FAM78B: variants seen among roughly 807,000 people sequenced by gnomAD.
FAM78B encodes family with sequence similarity 78 member B.
Under a neutral mutation model 20.0 loss-of-function variants are expected in FAM78B, and 10 were observed. The observed-to-expected ratio is 0.50, with a 90% CI of 0.31 to 0.85. FAM78B has a LOEUF of 0.85. FAM78B is among the 40% of genes least tolerant of loss of function. The pLI, the probability that FAM78B is intolerant of heterozygous loss-of-function variation, is 0.05. For missense variants in FAM78B, 283 were observed against 345.0 expected, an observed-to-expected ratio of 0.82 and a Z score of 1.42; for synonymous variants, 135 against 132.8, an observed-to-expected ratio of 1.02 and a Z score of -0.12.
chr1:166,115,074 C>T (rs767488893), intron 1 of FAM78B, among the ~76,000 whole-genome samples: 14 of 152,156 alleles, frequency 9.2e-5, no homozygotes, highest in Non-Finnish European at 1.8e-4. Flanking sequence ...CCTTTGGCTG[C>T]CTGAACATGA....
intron 2 of FAM78B, among the ~76,000 whole-genome samples, chr1:166,060,978 C>A (rs1419027391): frequency 6.6e-6 from 1 of 152,138 alleles, no homozygotes; most frequent in East Asian, 1.9e-4. Flanking sequence ...GAAGTTGAGA[C>A]CCCCAATGGC....
At chr1:166,133,419 C>A (rs1200943919) in intron 1 of FAM78B, among the ~76,000 whole-genome samples, 3 of 152,176 alleles carry the variant, frequency 2.0e-5, no homozygotes, top group Admixed American at 2.0e-4. Context: ...TTAGACAAAA[C>A]CAAACCTGCA....
intron 1 of FAM78B, among the ~76,000 whole-genome samples, chr1:166,159,243 T>C (rs1656039578): frequency 6.6e-6 from 1 of 152,120 alleles, no homozygotes; most frequent in Non-Finnish European, 1.5e-5. Context: ...ACTGTGGCAG[T>C]ATATAGAAAG....
At chr1:166,122,699 G>C (rs1484137786) in intron 1 of FAM78B, among the ~76,000 whole-genome samples, 1 of 152,102 alleles carries the variant, frequency 6.6e-6, no homozygotes, top group Non-Finnish European at 1.5e-5. Flanking sequence ...CTGAACCTTG[G>C]CTTCTTAGCT....
At chr1:166,104,810 T>C (rs1317822013) in intron 1 of FAM78B, among the ~76,000 whole-genome samples, 1 of 152,140 alleles carries the variant, frequency 6.6e-6, no homozygotes, top group Admixed American at 6.5e-5. Flanking sequence ...ATGCCATCCC[T>C]ATCAAGCTAC....
At chr1:166,063,163 G>A (rs1651669695) in intron 2 of FAM78B, among the ~76,000 whole-genome samples, 2 of 152,186 alleles carry the variant, frequency 1.3e-5, no homozygotes, top group Admixed American at 6.5e-5. Context: ...TGAGCCCAAG[G>A]GGGAAAATGC....
At chr1:166,104,047 A>T (rs1653658359) in intron 1 of FAM78B, among the ~76,000 whole-genome samples, 1 of 152,230 alleles carries the variant, frequency 6.6e-6, no homozygotes, top group African/African-American at 2.4e-5. Context: ...GGCTGGTTCA[A>T]CATACGCAAA....
chr1:166,073,390 G>A (rs959772911), intron 1 of FAM78B, among the ~76,000 whole-genome samples: 9 of 152,144 alleles, frequency 5.9e-5, no homozygotes, highest in African/African-American at 1.7e-4. Flanking sequence ...AATTCATTAC[G>A]ATTTAAGTCT....
chr1:166,152,368 G>C (rs1655708363), intron 1 of FAM78B, among the ~76,000 whole-genome samples: 1 of 152,184 alleles, frequency 6.6e-6, no homozygotes. Flanking sequence ...GAATTTGTCT[G>C]GTCTTGTCGT....
intron 2 of FAM78B, among the ~76,000 whole-genome samples, chr1:166,062,027 A>T (rs1164407370): frequency 6.6e-6 from 1 of 152,204 alleles, no homozygotes; most frequent in Non-Finnish European, 1.5e-5. Flanking sequence ...TCTCTGGGTG[A>T]GGAAAATTTT....
At chr1:166,074,584 A>G (rs1288855877) in intron 1 of FAM78B, among the ~76,000 whole-genome samples, 3 of 152,314 alleles carry the variant, frequency 2.0e-5, no homozygotes, top group South Asian at 4.1e-4. Context: ...TTTCATGACT[A>G]TATTCCTGGA....
At chr1:166,104,529 C>T in intron 1 of FAM78B, among the ~76,000 whole-genome samples, 1 of 152,060 alleles carries the variant, frequency 6.6e-6, no homozygotes, top group Non-Finnish European at 1.5e-5. Context: ...AATCAATGTG[C>T]AAAAATCACA....
At chr1:166,061,514 C>T (rs7541117) in intron 2 of FAM78B, among the ~76,000 whole-genome samples, 6,627 of 152,112 alleles carry the variant, frequency 0.044, 457 homozygotes, top group African/African-American at 0.15. Context: ...AATTCTTAGG[C>T]AGATGGTAAA....
rs186631057 is a variant in FAM78B at position 166,095,044 on chromosome 1, C to T, written c.264-24281G>A. ...GAGCTGACAGGTCTGATGCTCAGGACACTTCTGCCTTCATCATTAGACCTG... is the reference window on the plus strand; with the variant it reads ...GAGCTGACAGGTCTGATGCTCAGGATACTTCTGCCTTCATCATTAGACCTG... On this transcript the variant is annotated intron_variant, in intron 1 of 1. Coordinates refer to ENST00000354422, the MANE Select transcript of FAM78B (RefSeq NM_001017961.5). Among the ~76,000 whole-genome samples the T allele has an allele frequency of 2.1e-4, 32 of 152,300 alleles. 1 individual carries two copies. The East Asian group carries it at 5.2e-3, about 25-fold the overall frequency.
chr1:166,111,978 G>A (rs768289071), intron 1 of FAM78B, among the ~76,000 whole-genome samples: 1 of 152,230 alleles, frequency 6.6e-6, no homozygotes, highest in East Asian at 1.9e-4. Context: ...CCAGGCTCTC[G>A]AAGTCACGTT....
At position 166,122,602 on chromosome 1, in the gene FAM78B, C is replaced by T. The variant is rs1255212110; in HGVS notation, c.263+43384G>A. 3.9e-5 allele frequency among the ~76,000 whole-genome samples: 6 copies of T among 152,260 alleles called. No homozygotes were observed. The South Asian group carries it at 1.0e-3, about 26-fold the overall frequency. On this transcript the variant is annotated intron_variant, in intron 1 of 1. Transcript: ENST00000354422. ...GAAATCTTTCCAAATGTGGAAAGGG[C>T]ATTGTGTGAATCACCCTGAATCTGG...
chr1:166,146,876 C>T (rs1655477165), intron 1 of FAM78B, among the ~76,000 whole-genome samples: 1 of 152,140 alleles, frequency 6.6e-6, no homozygotes, highest in South Asian at 2.1e-4. Context: ...TCATTCACTT[C>T]CCTCTGTATT....
At chr1:166,101,730 T>C (rs1653526884) in intron 1 of FAM78B, among the ~76,000 whole-genome samples, 1 of 152,110 alleles carries the variant, frequency 6.6e-6, no homozygotes, top group South Asian at 2.1e-4. Context: ...AATCTACGTC[T>C]GATTGGTGTA....
chr1:166,089,213 A>G (rs1023344701), intron 1 of FAM78B, among the ~76,000 whole-genome samples: 21 of 152,332 alleles, frequency 1.4e-4, no homozygotes, highest in African/African-American at 4.8e-4. Flanking sequence ...ATAGAACTGC[A>G]TCTTCTCCTG....
Sources: allele counts gnomAD v4.1 joint callset (sites outside exome capture counted in the v4.1 genomes callset), GRCh38; gene constraint gnomAD v4.1.1; transcripts MANE v1.5; gene names NCBI Gene and HGNC (gene_info 2026-07-23, HGNC 2026-07-21).